FAT3: variants seen among roughly 807,000 people sequenced by gnomAD.
FAT3 encodes FAT atypical cadherin 3.
FAT3 carries 95 observed loss-of-function variants against 310.2 expected under a neutral mutation model. That is an observed-to-expected ratio of 0.31 (90% CI 0.26 to 0.36). The LOEUF is 0.36. Among genes scored for constraint, FAT3 ranks in the 10% least tolerant of loss-of-function variants. The probability of loss-of-function intolerance (pLI) is 1.00; values close to 1 mark genes in which losing one functional copy is unlikely to be tolerated. For missense variants in FAT3, 5,408 were observed against 5,715.6 expected, an observed-to-expected ratio of 0.95 and a Z score of 1.74; for synonymous variants, 2,314 against 2,192.9, an observed-to-expected ratio of 1.06 and a Z score of -1.54.
At chr11:92,826,631 T>G (rs182343560) in intron 13 of FAT3, among the ~76,000 whole-genome samples, 1 of 152,302 alleles carries the variant, frequency 6.6e-6, no homozygotes, top group Admixed American at 6.5e-5. Flanking sequence ...ATATAAAAAT[T>G]AGAGATTAGA....
intron 3 of FAT3, among the ~76,000 whole-genome samples, chr11:92,646,139 G>A (rs775579188): frequency 1.3e-4 from 20 of 152,104 alleles, no homozygotes; most frequent in Non-Finnish European, 2.5e-4. Flanking sequence ...CTTTAGTTCC[G>A]GATGGCATTG....
intron 3 of FAT3, among the ~76,000 whole-genome samples, chr11:92,614,221 G>C (rs1180335505): frequency 6.6e-6 from 1 of 152,020 alleles, no homozygotes; most frequent in Non-Finnish European, 1.5e-5. Context: ...TCATGTACAA[G>C]TTTTTGTGTG....
chr11:92,417,344 T>C (rs2134960511), intron 2 of FAT3, among the ~76,000 whole-genome samples: 1 of 152,314 alleles, frequency 6.6e-6, no homozygotes, highest in Admixed American at 6.5e-5. Context: ...CAATATAATA[T>C]GTATTGGATG....
At chr11:92,443,982 G>A (rs151002243) in intron 2 of FAT3, among the ~76,000 whole-genome samples, 1 of 152,160 alleles carries the variant, frequency 6.6e-6, no homozygotes, top group Non-Finnish European at 1.5e-5. Context: ...AGGAAACTCA[G>A]TTTCTTGGAC....
rs745373906 is a variant in FAT3 at position 92,801,786 on chromosome 11, G to A, written c.8773G>A (p.Ala2925Thr). Residue 2925 changes from alanine to threonine, a missense_variant, in exon 10 of 28, where the codon GCG (alanine) becomes ACG (threonine). Around this residue, in one of 5 missense-constraint regions of FAT3, gnomAD observed 4,588 missense variants for 4,809.8 expected, o/e 0.95. Coordinates refer to ENST00000525166, the MANE Select transcript of FAT3 (RefSeq NM_001367949.2). ...TDINDNAPVF[A>T]QEVYRGNVKE... is the part of the protein sequence containing the mutation. ...TATAAATGACAATGCACCAGTCTTC[G>A]CGCAGGAAGTGTACCGAGGGAATGT... 5.2e-5 allele frequency: 84 copies of A among 1,613,874 alleles called. No homozygotes were observed. In the Middle Eastern group the frequency reaches 8.2e-4, roughly 16 times the overall value.
At chr11:92,398,881 T>C (rs1423059425) in intron 2 of FAT3, among the ~76,000 whole-genome samples, 1 of 152,218 alleles carries the variant, frequency 6.6e-6, no homozygotes, top group Non-Finnish European at 1.5e-5. Context: ...AATCCTGGCT[T>C]CTCTGATTTT....
intron 3 of FAT3, among the ~76,000 whole-genome samples, chr11:92,654,195 A>G (rs897429396): frequency 2.0e-5 from 3 of 152,158 alleles, no homozygotes; most frequent in Admixed American, 2.0e-4. Context: ...CAGAATCCCA[A>G]CCCACCTTTC....
At chr11:92,520,835 T>TC (rs1020726539) in intron 2 of FAT3, among the ~76,000 whole-genome samples, 1 of 152,164 alleles carries the variant, frequency 6.6e-6, no homozygotes, top group Non-Finnish European at 1.5e-5. Context: ...TCCAAGATAC[T>TC]CATTCACACT....
intron 6 of FAT3, among the ~76,000 whole-genome samples, chr11:92,767,803 A>T (rs994959530): frequency 1.3e-5 from 2 of 152,066 alleles, no homozygotes; most frequent in African/African-American, 4.8e-5. Context: ...CCTCCTGCCA[A>T]AACCTCTGTT....
chr11:92,809,880 G>T lies in FAT3; in HGVS notation c.9285G>T (p.Arg3095Ser). 2 of 1,613,968 alleles carry T rather than the reference G, an allele frequency of 1.2e-6. No homozygotes were observed. The highest frequency in any genetic ancestry group is 2.2e-5 in the East Asian group (1 of 44,868). ...LKTLALLDRE[R>S]IPVYSLMAKA... ...CCTTGGCTCTGTTGGACCGGGAGAG[G>T]ATCCCCGTGTACAGCCTGATGGCCA... is the stretch of plus-strand genomic sequence containing the variant. The change falls in exon 13 of 28, where the codon AGG becomes AGT. Residue 3095 changes from arginine (R) to serine (S), a missense_variant. Arg to Ser is a moderately radical substitution (Grantham distance 110). Around this residue, in one of 5 missense-constraint regions of FAT3, gnomAD observed 4,588 missense variants for 4,809.8 expected, o/e 0.95. Transcript: ENST00000525166.
chr11:92,300,491 G>T (rs1946971053), intron 1 of FAT3, among the ~76,000 whole-genome samples: 1 of 152,116 alleles, frequency 6.6e-6, no homozygotes, highest in Non-Finnish European at 1.5e-5. Flanking sequence ...ATGTCAGACT[G>T]CAATTACTGT....
chr11:92,439,949 A>AAT (rs1951030497), intron 2 of FAT3, among the ~76,000 whole-genome samples: 4 of 152,114 alleles, frequency 2.6e-5, no homozygotes, highest in African/African-American at 9.6e-5. Flanking sequence ...AGAAAAAAAA[A>AAT]AAACCTGCTG....
chr11:92,242,056 C>A (rs980640689), intron 1 of FAT3, among the ~76,000 whole-genome samples: 5 of 151,988 alleles, frequency 3.3e-5, no homozygotes, highest in African/African-American at 1.2e-4. Context: ...TCATCTTACA[C>A]CGTGATCTCC....
intron 3 of FAT3, among the ~76,000 whole-genome samples, chr11:92,633,812 A>G (rs893046986): frequency 6.6e-6 from 1 of 152,184 alleles, no homozygotes; most frequent in Non-Finnish European, 1.5e-5. Flanking sequence ...AAGTTAACAG[A>G]AAAAGTAAAA....
chr11:92,301,741 T>C (rs138380789), intron 1 of FAT3, among the ~76,000 whole-genome samples: 5 of 152,086 alleles, frequency 3.3e-5, no homozygotes, highest in African/African-American at 1.2e-4. Flanking sequence ...GAATAGAGGG[T>C]CTCAATTATT....
intron 3 of FAT3, among the ~76,000 whole-genome samples, chr11:92,587,036 A>G (rs1028547832): frequency 1.3e-5 from 2 of 152,024 alleles, no homozygotes; most frequent in African/African-American, 4.8e-5. Flanking sequence ...GTTTACATAT[A>G]TAGTAGCTAT....
chr11:92,421,395 T>G (rs1324840503), intron 2 of FAT3, among the ~76,000 whole-genome samples: 1 of 152,198 alleles, frequency 6.6e-6, no homozygotes, highest in Non-Finnish European at 1.5e-5. Flanking sequence ...TTAGGAGGTT[T>G]TAATTTGTTG....
chr11:92,623,184 CTACA>C lies in FAT3; in HGVS notation c.3608-74198_3608-74195del, dbSNP rs1306036828. On this transcript the variant is annotated intron_variant, in intron 3 of 27. Coordinates refer to ENST00000525166, the MANE Select transcript of FAT3 (RefSeq NM_001367949.2). ...CATAGTCCCATGTTGCTACATGTTG[CTACA>C]TGTTGCTACATTAGTCAAATCTGAC... Among the ~76,000 whole-genome samples, 8 of 31,726 alleles carry C rather than the reference CTACA, an allele frequency of 2.5e-4. No homozygotes were observed. The African/African-American group carries it at 4.6e-3, about 18-fold the overall frequency. 20.8% of individuals were successfully genotyped at this position (31,726 alleles called of 152,430 possible). A position where few individuals can be genotyped will look rare whatever the true frequency, so the allele number is the denominator to read the frequency against.
intron 3 of FAT3, among the ~76,000 whole-genome samples, chr11:92,537,243 T>G (rs1257306632): frequency 1.3e-5 from 2 of 152,086 alleles, no homozygotes; most frequent in African/African-American, 4.8e-5. Context: ...AGTCTATATA[T>G]GAGAATGGTA....
Sources: allele counts gnomAD v4.1 joint callset (sites outside exome capture counted in the v4.1 genomes callset), GRCh38; gene constraint gnomAD v4.1.1; regional missense constraint gnomAD v4.1.1; transcripts MANE v1.5; gene names NCBI Gene and HGNC (gene_info 2026-07-23, HGNC 2026-07-21).